Variants in TBC1D5 observed in about 807,000 individuals in gnomAD.
TBC1D5 encodes TBC1 domain family, member 5.
Under a neutral mutation model 100.3 loss-of-function variants are expected in TBC1D5, and 75 were observed. That is an observed-to-expected ratio of 0.75 (90% confidence interval 0.62 to 0.91). The LOEUF is 0.91. Ranked by LOEUF, TBC1D5 falls within the 40% of genes least tolerant of loss-of-function variation. The probability of loss-of-function intolerance (pLI) is 0.00; values close to 1 mark genes in which losing one functional copy is unlikely to be tolerated. For missense variants in TBC1D5, 910 were observed against 942.4 expected (o/e 0.97, Z 0.45); for synonymous variants, 323 against 325.6 (o/e 0.99, Z 0.09).
rs142582359 is a variant in TBC1D5 at position 17,447,780 on chromosome 3, C to T, written c.98-19261G>A. Reference sequence around the variant, plus strand: ...AAACTGGCTGGCATTAAGCTTTTACCAATTAATCATCAAAGTAGATAATAA... The same window carrying T: ...AAACTGGCTGGCATTAAGCTTTTACTAATTAATCATCAAAGTAGATAATAA... On this transcript the variant is annotated intron_variant, in intron 3 of 21. Coordinates refer to ENST00000253692, the Ensembl canonical transcript of TBC1D5. 8.5e-5 allele frequency among the ~76,000 whole-genome samples: 13 copies of T among 152,272 alleles called. 1 individual carries two copies. The East Asian group carries it at 2.5e-3, about 29-fold the overall frequency.
At chr3:17,405,598 G>A (rs933569561) in intron 5 of TBC1D5, among the ~76,000 whole-genome samples, 2 of 151,908 alleles carry the variant, frequency 1.3e-5, no homozygotes, top group African/African-American at 4.8e-5. Context: ...AGGGAATGGG[G>A]GTGGCGCACA....
chr3:17,692,500 T>C (rs1053575759), intron 1 of TBC1D5, among the ~76,000 whole-genome samples: 1 of 152,098 alleles, frequency 6.6e-6, no homozygotes, highest in Non-Finnish European at 1.5e-5. Flanking sequence ...AGAAAAAAAC[T>C]ATGTAAGAGC....
At chr3:17,695,904 G>C (rs1470709185) in intron 1 of TBC1D5, among the ~76,000 whole-genome samples, 1 of 152,186 alleles carries the variant, frequency 6.6e-6, no homozygotes, top group Non-Finnish European at 1.5e-5. Flanking sequence ...CTGTCTCTCA[G>C]ACCACAGTGC....
At chr3:17,483,469 TCA>T in intron 3 of TBC1D5, among the ~76,000 whole-genome samples, 1 of 152,290 alleles carries the variant, frequency 6.6e-6, no homozygotes, top group African/African-American at 2.4e-5. Flanking sequence ...AGAAGAAAAC[TCA>T]AAACTTTGCA....
intron 2 of TBC1D5, chr3:17,586,553 T>G (rs1019907578): frequency 1.3e-5 from 2 of 151,896 alleles, no homozygotes; most frequent in Admixed American, 6.6e-5. Flanking sequence ...AAAAACAGCA[T>G]CTCCCTAGAA....
chr3:17,704,286 T>G (rs931190006), intron 1 of TBC1D5, among the ~76,000 whole-genome samples: 1 of 148,308 alleles, frequency 6.7e-6, no homozygotes, highest in African/African-American at 2.5e-5. Context: ...TTTTTCTTAG[T>G]GCAGAACAAA....
intron 3 of TBC1D5, among the ~76,000 whole-genome samples, chr3:17,445,413 G>C (rs896290990): frequency 6.6e-6 from 1 of 150,806 alleles, no homozygotes; most frequent in Non-Finnish European, 1.5e-5. Context: ...AAAAATATTC[G>C]TATAAAAGTG....
chr3:17,736,736 G>A (rs997149875), intron 1 of TBC1D5, among the ~76,000 whole-genome samples: 1 of 152,190 alleles, frequency 6.6e-6, no homozygotes, highest in Non-Finnish European at 1.5e-5. Context: ...TGGAGGCCTG[G>A]TGCAATGGCT....
At chr3:17,295,013 T>C (rs187286111) in intron 14 of TBC1D5, among the ~76,000 whole-genome samples, 4 of 152,344 alleles carry the variant, frequency 2.6e-5, no homozygotes, top group African/African-American at 9.6e-5. Flanking sequence ...CTTTTCCCAA[T>C]ATTTATTCTA....
intron 2 of TBC1D5, among the ~76,000 whole-genome samples, chr3:17,617,915 C>T (rs917409459): frequency 1.3e-5 from 2 of 152,208 alleles, no homozygotes; most frequent in African/African-American, 4.8e-5. Context: ...TCATCAAAGT[C>T]TTCCTCCATA....
chr3:17,508,559 G>A (rs1268602081), exon 3 of TBC1D5: 1 of 1,613,136 alleles, frequency 6.2e-7, no homozygotes, highest in African/African-American at 1.3e-5. Context: ...TTTCAGATAA[G>A]GAATGATACA....
chr3:17,191,780 C>CT (rs529108579), intron 18 of TBC1D5, among the ~76,000 whole-genome samples: 4,477 of 145,664 alleles, frequency 0.031, 207 homozygotes, highest in African/African-American at 0.1. Context: ...CCACACCCGG[C>CT]TTTTTTTTTT....
At chr3:17,481,381 C>A (rs1337973839) in intron 3 of TBC1D5, among the ~76,000 whole-genome samples, 2 of 152,280 alleles carry the variant, frequency 1.3e-5, no homozygotes, top group African/African-American at 2.4e-5. Context: ...TGGAACAAGT[C>A]CAGCAGGCAC....
chr3:17,735,068 G>A (rs930583335), intron 1 of TBC1D5, among the ~76,000 whole-genome samples: 1 of 152,026 alleles, frequency 6.6e-6, no homozygotes, highest in Non-Finnish European at 1.5e-5. Context: ...ATTCCAGCCT[G>A]GGCAACAGAG....
Position 17,176,883 on chromosome 3 carries a change from G to C in TBC1D5, c.1852+8226C>G, listed in dbSNP as rs574539697. 6.6e-5 allele frequency among the ~76,000 whole-genome samples: 10 copies of C among 151,860 alleles called. No homozygotes were observed. In the South Asian group the frequency reaches 2.1e-3, roughly 32 times the overall value. ...TTCCTTACTGAATTAGAAGAATAAA[G>C]ACATCATTGAAAAGCTTGGAGCCTA... On this transcript the variant is annotated intron_variant, in intron 19 of 21. Coordinates refer to ENST00000253692, the Ensembl canonical transcript of TBC1D5.
exon 17 of TBC1D5, chr3:17,238,319 C>T: frequency 1.2e-6 from 2 of 1,614,006 alleles, no homozygotes; most frequent in Non-Finnish European, 1.7e-6. Context: ...GGGCCACCTG[C>T]ACTGCCTGGA....
rs201449012 is a variant in TBC1D5 at position 17,610,297 on chromosome 3, ACCTCAG to A, written c.-36+13546_-36+13551del. ...CCTCCCAGACTCAAGTGATCCTCTC[ACCTCAG>A]CCTCCCAAGTAGCTGGGACTACAGG... On this transcript the variant is annotated intron_variant, in intron 2 of 21. Coordinates refer to ENST00000253692, the Ensembl canonical transcript of TBC1D5. Among the ~76,000 whole-genome samples, 119 of 151,996 alleles carry A rather than the reference ACCTCAG, an allele frequency of 7.8e-4. 2 individuals are homozygous for A. In the East Asian group the frequency reaches 0.014, roughly 18 times the overall value.
intron 2 of TBC1D5, among the ~76,000 whole-genome samples, chr3:17,535,671 G>A (rs1333275638): frequency 6.6e-6 from 1 of 152,032 alleles, no homozygotes; most frequent in East Asian, 1.9e-4. Context: ...CTGTTTAGTA[G>A]TTTTAAGTTA....
chr3:17,454,222 G>A (rs1406481324), intron 3 of TBC1D5, among the ~76,000 whole-genome samples: 2 of 152,090 alleles, frequency 1.3e-5, no homozygotes, highest in Non-Finnish European at 2.9e-5. Context: ...CAACAAGAAT[G>A]CCTGCTTTCA....
Sources: allele counts gnomAD v4.1 joint callset (sites outside exome capture counted in the v4.1 genomes callset), GRCh38; gene constraint gnomAD v4.1.1; transcripts MANE v1.5; gene names NCBI Gene and HGNC (gene_info 2026-07-23, HGNC 2026-07-21).